The following DOCK7 variants were observed in gnomAD, a reference collection of about 807,000 sequenced individuals.
DOCK7 encodes dedicator of cytokinesis 7.
In DOCK7, 138 loss-of-function variants were observed where a neutral mutation model predicts 271.0. The observed-to-expected ratio is 0.51, with a 90% confidence interval of 0.44 to 0.59. The LOEUF (loss-of-function observed/expected upper bound fraction) is 0.59, where lower values mean the gene tolerates loss of function less well. Among genes scored for constraint, DOCK7 ranks in the 20% least tolerant of loss-of-function variants. The pLI, the probability that DOCK7 is intolerant of heterozygous loss-of-function variation, is 0.00. For missense variants in DOCK7, 2,066 were observed against 2,592.4 expected (o/e 0.80, Z 4.41); for synonymous variants, 823 against 876.1 (o/e 0.94, Z 1.07).
intron 48 of DOCK7, 134 bp downstream of exon 48, chr1:62,473,847 AG>A (rs1488451327): frequency 1.8e-6 from 1 of 568,204 alleles, no homozygotes; most frequent in African/African-American, 1.9e-5. Flanking sequence ...AGCCTCCCAA[AG>A]TGCTGAGATT....
At chr1:62,531,865 A>G (rs72667353) in intron 29 of DOCK7, among the ~76,000 whole-genome samples, 6,889 of 152,326 alleles carry the variant, frequency 0.045, 221 homozygotes, top group Middle Eastern at 0.11. Flanking sequence ...TGTGCCAGAC[A>G]TAATACTAAG....
chr1:62,553,986 A>T (rs1646050080), intron 21 of DOCK7, among the ~76,000 whole-genome samples: 1 of 152,032 alleles, frequency 6.6e-6, no homozygotes. Context: ...CACTAGAGAG[A>T]GTGCCAATTT....
intron 7 of DOCK7, among the ~76,000 whole-genome samples, chr1:62,638,546 A>AAT (rs1343876788): frequency 6.8e-6 from 1 of 147,774 alleles, no homozygotes; most frequent in Non-Finnish European, 1.5e-5. Flanking sequence ...TATTTTCATG[A>AAT]ATATATATAT....
rs796263575 is a variant in DOCK7, at chr1:62,552,412, C to G, written c.2766+320G>C. On this transcript the variant is annotated intron_variant, in intron 22 of 49. Transcript: ENST00000635253. ...ATGATGACATCTCTCTTCTACATATCAGTCACAGATTTATTTTAATTCTAT... is the reference window on the plus strand; with the variant it reads ...ATGATGACATCTCTCTTCTACATATGAGTCACAGATTTATTTTAATTCTAT... 2.0e-4 allele frequency among the ~76,000 whole-genome samples: 31 copies of G among 152,316 alleles called. 2 individuals carry two copies. Among genetic ancestry groups the G allele is most frequent in the African/African-American group, 6.5e-4 (27 of 41,556 alleles).
rs936526300 is a variant in DOCK7, at chr1:62,648,129, C to G, written c.709G>C (p.Ala237Pro). ...ACCTCATCTGGTGATGGATGCAAAG[C>G]AAAAAGTTCTTTGTGACGGTTTGAT... Reference protein sequence around the residue: ...RKSNRHKELFALHPSPDEEEP... With the variant: ...RKSNRHKELFPLHPSPDEEEP... The change falls in exon 6 of 50, where the codon GCT (alanine) becomes CCT (proline). Residue 237 changes from alanine (A) to proline (P), a missense_variant. Physicochemically the swap from Ala to Pro is conservative, Grantham distance 27. This residue lies in a region of DOCK7 where 1,414 missense variants were observed against 1,670.4 expected (regional missense o/e 0.85). Coordinates refer to ENST00000635253, the MANE Select transcript of DOCK7 (RefSeq NM_001367561.1). The G allele has an allele frequency of 2.5e-6, 4 of 1,613,082 alleles. No homozygotes were observed. In the African/African-American group the frequency reaches 5.3e-5, roughly 22 times the overall value.
chr1:62,520,868 G>C (rs1358601016), intron 31 of DOCK7, among the ~76,000 whole-genome samples: 3 of 152,150 alleles, frequency 2.0e-5, no homozygotes, highest in Admixed American at 6.5e-5. Flanking sequence ...GCCCATCAAT[G>C]ATAGGCTGGA....
intron 43 of DOCK7, chr1:62,485,163 A>G: frequency 1.0e-6 from 1 of 985,304 alleles, no homozygotes; most frequent in Non-Finnish European, 1.2e-6. Context: ...AAGACAACAA[A>G]CATGCTTTTA....
intron 20 of DOCK7, among the ~76,000 whole-genome samples, chr1:62,557,630 A>G (rs1027654007): frequency 3.4e-5 from 5 of 146,814 alleles, no homozygotes; most frequent in Admixed American, 1.4e-4. Context: ...TAAGAGAGAG[A>G]GGGACTCTGG....
Position 62,553,546 on chromosome 1 carries a change from C to CT in DOCK7, c.2597-646dup, listed in dbSNP as rs1032129350. ...ACCATGCCCGGGTAAATTTCTCTCTCTTTTTTTTGTAGAGACGGGGTCTTG... is the reference window on the plus strand; with the variant it reads ...ACCATGCCCGGGTAAATTTCTCTCTCTTTTTTTTTGTAGAGACGGGGTCTTG... On this transcript the variant is annotated intron_variant, in intron 21 of 49. Transcript: ENST00000635253. Among the ~76,000 whole-genome samples the CT allele has an allele frequency of 6.7e-5, 10 of 148,636 alleles. No individual in the cohort carries two copies. The South Asian group carries it at 1.1e-3, about 16-fold the overall frequency.
At chr1:62,586,652 T>C (rs1236589872) in intron 14 of DOCK7, 28 bp from the exon 15 acceptor site, 6 of 1,368,212 alleles carry the variant, frequency 4.4e-6, no homozygotes, top group Admixed American at 1.9e-5. Context: ...TAGATGATAG[T>C]AAATACATAT....
intron 14 of DOCK7, among the ~76,000 whole-genome samples, chr1:62,595,156 C>T (rs149026737): frequency 2.5e-4 from 38 of 152,136 alleles, no homozygotes; most frequent in East Asian, 3.9e-4. Flanking sequence ...TAAAAAGGTA[C>T]GAGACCAAAA....
chr1:62,549,650 A>AATCAAATT (rs1258614717), intron 22 of DOCK7, among the ~76,000 whole-genome samples: 1 of 152,184 alleles, frequency 6.6e-6, no homozygotes, highest in African/African-American at 2.4e-5. Context: ...TGATACAAAG[A>AATCAAATT]ATCAAATTAT....
At chr1:62,504,133 C>A (rs1646873737) in intron 37 of DOCK7, among the ~76,000 whole-genome samples, 1 of 151,248 alleles carries the variant, frequency 6.6e-6, no homozygotes, top group Non-Finnish European at 1.5e-5. Context: ...AATATCAGAA[C>A]CAAGGAGACG....
rs199568861 is a variant in DOCK7, at chr1:62,654,120, C to T, written c.184G>A (p.Asp62Asn). The change falls in exon 3 of 50, where the codon GAT becomes AAT. Residue 62 changes from aspartate to asparagine, a missense_variant. Coordinates refer to ENST00000635253, the MANE Select transcript of DOCK7 (RefSeq NM_001367561.1). ...GCCAAAGGATGAGTAATGAGGTAAT[C>T]TTCCAAATCCACTGGATCTACTGCT... is the stretch of plus-strand genomic sequence containing the variant. The part of the protein sequence containing the change: ...TEAVDPVDLE[D>N]YLITHPLAVD... The T allele has an allele frequency of 1.7e-5, 27 of 1,613,848 alleles. No homozygotes were observed. The East Asian group carries it at 5.6e-4, about 33-fold the overall frequency.
chr1:62,610,655 C>G (rs1189215728), intron 14 of DOCK7, among the ~76,000 whole-genome samples: 1 of 152,002 alleles, frequency 6.6e-6, no homozygotes, highest in Non-Finnish European at 1.5e-5. Context: ...ATGTTCCTTT[C>G]CCTGTGTCCA....
At chr1:62,542,432 T>C (rs1196280782) in intron 25 of DOCK7, among the ~76,000 whole-genome samples, 176 bp downstream of exon 25, 1 of 152,136 alleles carries the variant, frequency 6.6e-6, no homozygotes, top group Non-Finnish European at 1.5e-5. Context: ...ACCTAAACTG[T>C]GTTGAGTGTC....
At chr1:62,674,066 C>G (rs932485202) in intron 1 of DOCK7, among the ~76,000 whole-genome samples, 3 of 151,886 alleles carry the variant, frequency 2.0e-5, no homozygotes, top group African/African-American at 7.3e-5. Flanking sequence ...TCTCAGGAAC[C>G]CACAAAAAAC....
intron 43 of DOCK7, chr1:62,487,039 T>C (rs940366566): frequency 3.0e-5 from 5 of 169,424 alleles, no homozygotes; most frequent in Non-Finnish European, 5.0e-5. Flanking sequence ...CAATAACACA[T>C]AAATCGACCT....
Position 62,634,820 on chromosome 1 carries a change from T to C in DOCK7, c.988A>G (p.Ile330Val), listed in dbSNP as rs143611920. 2.0e-5 allele frequency: 33 copies of C among 1,613,196 alleles called. No individual in the cohort carries two copies. In the African/African-American group the frequency reaches 3.2e-4, roughly 16 times the overall value. The change falls in exon 9 of 50, where the codon ATT (isoleucine) becomes GTT (valine). Residue 330 changes from isoleucine to valine, a missense_variant. Physicochemically the swap from Ile to Val is conservative, Grantham distance 29. This residue lies in a region of DOCK7 where 1,414 missense variants were observed against 1,670.4 expected (regional missense o/e 0.85). Coordinates refer to ENST00000635253, the MANE Select transcript of DOCK7 (RefSeq NM_001367561.1). ...TGGGAAGGATAAGTGATAGAAAAAA[T>C]TGCTGATCTTGCCAGGGTAGTAATG... ...AAITTLARSA[I>V]FSITYPSQDV...
Sources: gnomAD v4.1 joint callset for allele counts (sites outside exome capture counted in the v4.1 genomes callset) on GRCh38, gnomAD v4.1.1 for gene constraint, gnomAD v4.1.1 regional missense constraint, MANE v1.5 for transcripts, NCBI Gene and HGNC (gene_info 2026-07-23, HGNC 2026-07-21) for gene names.